SLC4A11: variants seen among roughly 807,000 people sequenced by gnomAD.
The protein encoded by SLC4A11 is solute carrier family 4 member 11.
Under a neutral mutation model 95.0 loss-of-function variants are expected in SLC4A11, and 74 were observed. The ratio of observed to expected loss-of-function variants is 0.78; its 90% CI spans 0.65 to 0.95. SLC4A11 has a LOEUF of 0.95. SLC4A11 is among the 40% of genes least tolerant of loss of function. The probability of loss-of-function intolerance (pLI) is 0.00; values close to 1 mark genes in which losing one functional copy is unlikely to be tolerated. For missense variants in SLC4A11, 1,081 were observed against 1,192.4 expected (o/e 0.91, Z 1.38); for synonymous variants, 548 against 519.0 (o/e 1.06, Z -0.76).
upstream of SLC4A11, chr20:3,239,436 T>C: frequency 9.5e-7 from 1 of 1,054,742 alleles, no homozygotes; most frequent in Non-Finnish European, 1.1e-6. Context: ...CCTTCGAGCC[T>C]GTGCGCGCCG....
rs771759349 is a variant in SLC4A11, at chr20:3,233,485, T to C, written c.729+29A>G. 2.5e-6 allele frequency: 4 copies of C among 1,612,462 alleles called. No individual in the cohort carries two copies. The African/African-American group carries it at 5.3e-5, about 22-fold the overall frequency. On this transcript the variant is annotated intron_variant, in intron 7 of 19. Coordinates refer to ENST00000642402, the MANE Select transcript of SLC4A11 (RefSeq NM_001174089.2). Reference sequence around the variant, plus strand: ...GGCGGGTAACCCGGGGCCCTCCTTCTTCCCCAGGACACGGCACTACCCACT... The same window carrying C: ...GGCGGGTAACCCGGGGCCCTCCTTCCTCCCCAGGACACGGCACTACCCACT...
Position 3,236,290 on chromosome 20 carries a change from A to G in SLC4A11, c.88+1254T>C, listed in dbSNP as rs61009826. ...CCAGGCCCAGGCCTGCACTACCTCC[A>G]GAGCCCAGAGAAGAAATATTAGGTC... On this transcript the variant is annotated intron_variant, in intron 2 of 19. Coordinates refer to ENST00000642402, the MANE Select transcript of SLC4A11 (RefSeq NM_001174089.2). 1.2e-3 allele frequency among the ~76,000 whole-genome samples: 183 copies of G among 152,324 alleles called. 2 individuals carry two copies. Among genetic ancestry groups the G allele is most frequent in the African/African-American group, 4.1e-3 (171 of 41,580 alleles).
At position 3,231,078 on chromosome 20, in the gene SLC4A11, G is replaced by A; in HGVS notation, c.1043-20C>T. The A allele has an allele frequency of 1.9e-6, 3 of 1,587,804 alleles. No homozygotes were observed. Among genetic ancestry groups the A allele is most frequent in the Non-Finnish European group, 2.5e-6 (3 of 1,179,734 alleles). On this transcript the variant is annotated intron_variant, in intron 9 of 19. Transcript: ENST00000642402. This position sits in a 1 kb window ranked among gnomAD's most constrained non-coding sequence, Gnocchi z 5.2. ...TAATGCCTAGGAATGGGGGATGGGA[G>A]AGAGGGTTTGCTGGGGATGCAGGAC...
In SLC4A11 at chr20:3,230,629, T is replaced by C. The variant is rs149067805; in HGVS notation, c.1301A>G (p.Asp434Gly). The C allele has an allele frequency of 1.4e-5, 23 of 1,613,432 alleles. No homozygotes were observed. Among genetic ancestry groups the C allele is most frequent in the Non-Finnish European group, 1.9e-5 (22 of 1,179,964 alleles). The change falls in exon 12 of 20, where the codon GAT becomes GGT. Residue 434 changes from aspartate to glycine, a missense_variant. Asp to Gly is a moderately conservative substitution (Grantham distance 94, BLOSUM62 -1). Transcript: ENST00000642402. ...GGAGTTGAAGTCCAGGTCATAGTCA[T>C]CACAGATGACACGAATCACTGCAGG... is the stretch of plus-strand genomic sequence containing the variant. ...LYIQVIRVIC[D>G]DYDLDFNSFY...
Position 3,234,862 on chromosome 20 carries a change from CG to C in SLC4A11, c.120del (p.Phe40LeufsTer60). ...SYYKCDTDDT[F>X]EAREEILGDE... is the part of the protein sequence containing the mutation. The stretch of plus-strand genomic sequence containing the variant: ...TCCCCCAGGATCTCCTCTCGGGCTT[CG>C]AAGGTGTCATCTGTGTCACACTTGT... On this transcript the variant is annotated frameshift_variant, in exon 3 of 20. Coordinates refer to ENST00000642402, the MANE Select transcript of SLC4A11 (RefSeq NM_001174089.2). LOFTEE classifies it high-confidence loss of function. The surrounding 1 kb of genome is among the most constrained non-coding windows in gnomAD (Gnocchi z 5.8). The C allele has an allele frequency of 6.2e-7, 1 of 1,614,008 alleles. No homozygotes were observed. Among genetic ancestry groups the C allele is most frequent in the Non-Finnish European group, 8.5e-7 (1 of 1,180,026 alleles).
chr20:3,238,541 TACA>T, intron 1 of SLC4A11: 3 of 929,368 alleles, frequency 3.2e-6, no homozygotes, highest in Non-Finnish European at 3.8e-6. Context: ...TAAAGGGTCG[TACA>T]AACCTGGGTC....
chr20:3,232,059 T>C (rs748030871), intron 7 of SLC4A11, among the ~76,000 whole-genome samples: 35 of 152,240 alleles, frequency 2.3e-4, no homozygotes, highest in Non-Finnish European at 4.0e-4. Context: ...ATCTATATTT[T>C]TGTTATAAAC....
At chr20:3,237,930 C>A in intron 1 of SLC4A11, 1 of 1,550,622 alleles carries the variant, frequency 6.4e-7, no homozygotes, top group Non-Finnish European at 8.7e-7. Flanking sequence ...GAAAACCCTG[C>A]CCCGCTGCAG....
intron 2 of SLC4A11, among the ~76,000 whole-genome samples, chr20:3,236,200 T>C (rs929220881): frequency 6.6e-6 from 1 of 152,170 alleles, no homozygotes; most frequent in Non-Finnish European, 1.5e-5. Context: ...GAGTTTAGCC[T>C]GGGCCCCTTC....
In SLC4A11 at chr20:3,233,630, T is replaced by C. The variant is rs748653831; in HGVS notation, c.613A>G (p.Met205Val). ...ACGTGCCGCTTCTGTAGGGCCTTCA[T>C]GGTACAGCTGGCAGGGGCGGGGAGG... Reference protein sequence around the residue: ...QQSWLCIICTMKALQKRHVCI... With the variant: ...QQSWLCIICTVKALQKRHVCI... Residue 205 changes from methionine (M) to valine (V), a missense_variant, in exon 7 of 20, where the codon ATG becomes GTG. Met to Val is a conservative substitution (Grantham distance 21, BLOSUM62 1). Coordinates refer to ENST00000642402, the MANE Select transcript of SLC4A11 (RefSeq NM_001174089.2). The C allele has an allele frequency of 5.0e-6, 8 of 1,612,588 alleles. No individual in the cohort carries two copies. In the South Asian group the frequency reaches 7.7e-5, roughly 15 times the overall value.
At position 3,228,498 on chromosome 20, in the gene SLC4A11, G is replaced by C. The variant is rs2067621348; in HGVS notation, c.2388+14C>G. ...CCCCACCCACGCCACTCCCTCGCAG[G>C]GCCAAGCGCTCACCTGCTCCTTGAG... On this transcript the variant is annotated intron_variant, in intron 18 of 19. Transcript: ENST00000642402. The C allele has an allele frequency of 6.2e-7, 1 of 1,612,822 alleles. No homozygotes were observed. Among genetic ancestry groups the C allele is most frequent in the African/African-American group, 1.3e-5 (1 of 74,906 alleles).
In SLC4A11 at chr20:3,231,002, A is replaced by G; in HGVS notation, c.1099T>C (p.Tyr367His). 6.2e-7 allele frequency: 1 copy of G among 1,613,904 alleles called. No homozygotes were observed. Among genetic ancestry groups the G allele is most frequent in the South Asian group, 1.1e-5 (1 of 91,086 alleles). Residue 367 changes from tyrosine to histidine, a missense_variant, in exon 10 of 20, where the codon TAC (tyrosine) becomes CAC (histidine). Coordinates refer to ENST00000642402, the MANE Select transcript of SLC4A11 (RefSeq NM_001174089.2). This position sits in a 1 kb window ranked among gnomAD's most constrained non-coding sequence, Gnocchi z 5.2. ...GKYITTTLFL[Y>H]FACLLPTIAF... ...ATGGTGGGCAGGAGGCAGGCGAAGT[A>G]GAGGAACAGGGTGGTGGTGATGTAT...
intron 1 of SLC4A11, chr20:3,238,241 GCTGCGCCCTCC>G (rs2068051626): frequency 2.9e-6 from 4 of 1,358,806 alleles, no homozygotes; most frequent in Non-Finnish European, 3.8e-6. Context: ...GTCGGGGGAG[GCTGCGCCCTCC>G]CTGGGCCGGT....
intron 14 of SLC4A11, 32 bp downstream of exon 14, chr20:3,229,492 G>T: frequency 6.2e-7 from 1 of 1,612,792 alleles, no homozygotes; most frequent in South Asian, 1.1e-5. Flanking sequence ...TTTGACCCAT[G>T]CGGCCCCTCC....
chr20:3,227,813 C>A lies in SLC4A11; in HGVS notation c.2602G>T (p.Val868Phe). 6.2e-7 allele frequency: 1 copy of A among 1,613,258 alleles called. No homozygotes were observed. Among genetic ancestry groups the A allele is most frequent in the Non-Finnish European group, 8.5e-7 (1 of 1,179,948 alleles). Residue 868 changes from valine to phenylalanine, a missense_variant, in exon 20 of 20, where the codon GTC becomes TTC. Physicochemically the swap from Val to Phe is conservative, Grantham distance 50 (BLOSUM62 -1). Transcript: ENST00000642402. ...PRIIEAKYLD[V>F]MDAEHRP ...CAAGGCCTGTGCTCAGCGTCCATGA[C>A]ATCCAAGTACTTGGCTTCAATGATT... is the stretch of plus-strand genomic sequence containing the variant.
intron 6 of SLC4A11, 47 bp from the exon 7 acceptor site, chr20:3,233,684 C>T: frequency 1.2e-6 from 2 of 1,606,060 alleles, no homozygotes; most frequent in Non-Finnish European, 1.7e-6. Flanking sequence ...CCCCAGGGAG[C>T]TGGGGCTCCC....
At chr20:3,228,153 C>CCAAA in intron 19 of SLC4A11, 106 bp downstream of exon 19, 11 of 1,017,542 alleles carry the variant, frequency 1.1e-5, no homozygotes, top group Non-Finnish European at 1.5e-5. Context: ...CCAACCCGCC[C>CCAAA]ATTCTCCGCC....
In SLC4A11 at chr20:3,229,172, G is replaced by A. The variant is rs2122515939; in HGVS notation, c.1941C>T (p.Gly647=). Residue 647 remains glycine, a synonymous_variant, in exon 16 of 20, where the codon GGC becomes GGT. Transcript: ENST00000642402. The stretch of plus-strand genomic sequence containing the variant: ...AGAGCATGGACAGCAGGAAGCCGAG[G>A]CCCATGGCACCGCTGACGGCCCTCA... ...LSLRAVSGAM[G]LGFLLSMLFF... 1.2e-6 allele frequency: 2 copies of A among 1,612,214 alleles called. No homozygotes were observed. Among genetic ancestry groups the A allele is most frequent in the Non-Finnish European group, 1.7e-6 (2 of 1,179,934 alleles).
chr20:3,233,815 A>G lies in SLC4A11; in HGVS notation c.605+106T>C, dbSNP rs2067865234. On this transcript the variant is annotated intron_variant, in intron 6 of 19. Transcript: ENST00000642402. ...CTTCTCCCAAGTTGGTTGGGCCGCCAGAGCCCCAGGACTCACAGGTGGGCT... is the reference window on the plus strand; with the variant it reads ...CTTCTCCCAAGTTGGTTGGGCCGCCGGAGCCCCAGGACTCACAGGTGGGCT... The G allele has an allele frequency of 4.6e-6, 7 of 1,519,764 alleles. No homozygotes were observed. In the Admixed American group the frequency reaches 8.4e-5, roughly 18 times the overall value. 94.1% of individuals were successfully genotyped at this position (1,519,764 alleles called of 1,614,324 possible). A position where few individuals can be genotyped will look rare whatever the true frequency, so the allele number is the denominator to read the frequency against.
Sources: allele counts gnomAD v4.1 joint callset (sites outside exome capture counted in the v4.1 genomes callset), GRCh38; gene constraint gnomAD v4.1.1; non-coding constraint Gnocchi (gnomAD v3.1); transcripts MANE v1.5; gene names NCBI Gene and HGNC (gene_info 2026-07-23, HGNC 2026-07-21).